The following PHC3 variants were observed in gnomAD, a reference collection of about 807,000 sequenced individuals.
PHC3 encodes polyhomeotic homolog 3, also known as polyhomeotic-like protein 3.
Under a neutral mutation model 107.4 loss-of-function variants are expected in PHC3, and 13 were observed. The observed-to-expected ratio is 0.12, with a 90% CI of 0.08 to 0.19. The LOEUF is 0.19. Ranked by LOEUF, PHC3 falls within the 10% of genes least tolerant of loss-of-function variation. The probability of loss-of-function intolerance (pLI) is 1.00; values close to 1 mark genes in which losing one functional copy is unlikely to be tolerated. For synonymous variants in PHC3, 456 were observed against 427.4 expected, an observed-to-expected ratio of 1.07 and a Z score of -0.83; for missense variants, 992 against 1,210.9, an observed-to-expected ratio of 0.82 and a Z score of 2.68.
At chr3:170,126,385 G>A (rs1188269419) in intron 8 of PHC3, among the ~76,000 whole-genome samples, 1 of 151,522 alleles carries the variant, frequency 6.6e-6, no homozygotes, top group African/African-American at 2.4e-5. Context: ...AACCATATCA[G>A]TGATAGCAGA....
intron 1 of PHC3, among the ~76,000 whole-genome samples, chr3:170,180,148 CA>C (rs1220290778): frequency 0.033 from 2,694 of 82,790 alleles, 44 homozygotes; most frequent in East Asian, 0.15. Flanking sequence ...AAAAACCGAA[CA>C]AAAAAAAAAA....
At chr3:170,135,316 A>G (rs1243466582) in intron 7 of PHC3, among the ~76,000 whole-genome samples, 1 of 151,950 alleles carries the variant, frequency 6.6e-6, no homozygotes, top group Non-Finnish European at 1.5e-5. Flanking sequence ...ATGCCCTGCT[A>G]ATTTTTGTAT....
chr3:170,107,858 G>A (rs531907857), intron 11 of PHC3, among the ~76,000 whole-genome samples: 3 of 152,074 alleles, frequency 2.0e-5, no homozygotes, highest in East Asian at 3.9e-4. Flanking sequence ...CCGGGTACTC[G>A]GCAGGAGTCA....
chr3:170,127,479 T>C (rs1721507815), intron 8 of PHC3, among the ~76,000 whole-genome samples: 1 of 150,368 alleles, frequency 6.7e-6, no homozygotes, highest in Admixed American at 6.7e-5. Context: ...GTTCTGCTTT[T>C]AATAAAAATT....
chr3:170,120,872 G>A (rs1720147685), intron 9 of PHC3, among the ~76,000 whole-genome samples: 2 of 152,098 alleles, frequency 1.3e-5, no homozygotes, highest in Non-Finnish European at 2.9e-5. Flanking sequence ...AAATGATCAT[G>A]AGGGCAATAA....
intron 5 of PHC3, among the ~76,000 whole-genome samples, chr3:170,145,788 T>C (rs1043525402): frequency 6.6e-6 from 1 of 152,202 alleles, no homozygotes; most frequent in Non-Finnish European, 1.5e-5. Context: ...TTTGGTGATA[T>C]GAAATTCTCA....
chr3:170,154,850 T>C (rs1410674670), intron 4 of PHC3, among the ~76,000 whole-genome samples: 1 of 152,222 alleles, frequency 6.6e-6, no homozygotes, highest in East Asian at 1.9e-4. Context: ...ACTAAAAAAC[T>C]GTCCTTCCTT....
rs903031202 is a variant in PHC3 at position 170,093,579 on chromosome 3, T to C, written c.*3651A>G. ...TTTATACACACTTAATATAGGCATA[T>C]AGCCTAAGACTATATTGCCTCCCTA... On this transcript the variant is annotated 3_prime_UTR_variant, in exon 15 of 15. Transcript: ENST00000495893. The C allele has an allele frequency of 6.6e-6, 1 of 152,252 alleles. No individual in the cohort carries two copies. Among genetic ancestry groups the C allele is most frequent in the South Asian group, 2.1e-4 (1 of 4,836 alleles). 9.4% of individuals were successfully genotyped at this position (152,252 alleles called of 1,614,324 possible).
intron 4 of PHC3, among the ~76,000 whole-genome samples, chr3:170,166,337 C>T (rs1421040573): frequency 6.6e-6 from 1 of 152,146 alleles, no homozygotes; most frequent in Non-Finnish European, 1.5e-5. Context: ...AGCCACTGCG[C>T]CTGGCCCCAA....
At chr3:170,154,841 C>G (rs965254056) in intron 4 of PHC3, among the ~76,000 whole-genome samples, 4 of 152,238 alleles carry the variant, frequency 2.6e-5, no homozygotes, top group African/African-American at 9.6e-5. Context: ...GCTAGCCTAA[C>G]TAAAAAACTG....
At chr3:170,141,823 C>G (rs1724166865) in intron 6 of PHC3, among the ~76,000 whole-genome samples, 2 of 152,020 alleles carry the variant, frequency 1.3e-5, no homozygotes, top group African/African-American at 4.8e-5. Flanking sequence ...AGGTTGGTCT[C>G]GAACTCCTGA....
intron 4 of PHC3, among the ~76,000 whole-genome samples, chr3:170,154,514 A>G (rs1014164854): frequency 3.3e-5 from 5 of 152,242 alleles, no homozygotes; most frequent in Non-Finnish European, 2.9e-5. Flanking sequence ...CTAAAGAAAA[A>G]TGTAATAAAA....
intron 1 of PHC3, among the ~76,000 whole-genome samples, chr3:170,179,285 C>T (rs1560145024): frequency 6.6e-6 from 1 of 152,056 alleles, no homozygotes; most frequent in Non-Finnish European, 1.5e-5. Flanking sequence ...AAAATTTAAG[C>T]AGTATCAGAG....
intron 2 of PHC3, among the ~76,000 whole-genome samples, chr3:170,178,229 C>T (rs1055377642): frequency 4.0e-5 from 6 of 151,374 alleles, no homozygotes; most frequent in East Asian, 1.9e-4. Flanking sequence ...CTGCAAGCTC[C>T]GCCTTCCGGG....
At position 170,181,730 on chromosome 3, in the gene PHC3, C is replaced by A; in HGVS notation, c.-15G>T. 6.2e-7 allele frequency: 1 copy of A among 1,612,528 alleles called. No individual in the cohort carries two copies. Among genetic ancestry groups the A allele is most frequent in the Non-Finnish European group, 8.5e-7 (1 of 1,179,770 alleles). ...GCTTCCGCCATCTTCTCTCCTCCATCACTAACATGGGCTGCGCATGCGCCC... is the reference window on the plus strand; with the variant it reads ...GCTTCCGCCATCTTCTCTCCTCCATAACTAACATGGGCTGCGCATGCGCCC... On this transcript the variant is annotated 5_prime_UTR_variant, in exon 1 of 15. Coordinates refer to ENST00000495893, the MANE Select transcript of PHC3 (RefSeq NM_024947.4).
At chr3:170,119,036 T>TAAAAAAAAAA (rs1002478959) in intron 9 of PHC3, among the ~76,000 whole-genome samples, 76 of 72,438 alleles carry the variant, frequency 1.0e-3, no homozygotes, top group African/African-American at 1.7e-3. Flanking sequence ...TATAAAAAGC[T>TAAAAAAAAAA]AAAAAAAAAA....
Position 170,175,437 on chromosome 3 carries a change from AG to A in PHC3, c.181-2726del, listed in dbSNP as rs1730271758. Among the ~76,000 whole-genome samples the A allele has an allele frequency of 2.0e-5, 3 of 152,242 alleles. No homozygotes were observed. In the South Asian group the frequency reaches 6.2e-4, roughly 32 times the overall value. On this transcript the variant is annotated intron_variant, in intron 2 of 14. Transcript: ENST00000495893. ...AGGAGAGCTTAAAGCCAGAAGGTCAAGACTAGCCTGGGCGACATAGTGAGAT... is the reference window on the plus strand; with the variant it reads ...AGGAGAGCTTAAAGCCAGAAGGTCAAACTAGCCTGGGCGACATAGTGAGAT...
intron 4 of PHC3, among the ~76,000 whole-genome samples, chr3:170,165,267 G>A (rs1459653899): frequency 6.6e-6 from 1 of 152,060 alleles, no homozygotes; most frequent in African/African-American, 2.4e-5. Flanking sequence ...TTGCATTAAG[G>A]CAGCACACTC....
intron 6 of PHC3, among the ~76,000 whole-genome samples, chr3:170,141,211 T>C (rs999053473): frequency 6.6e-6 from 1 of 152,236 alleles, no homozygotes; most frequent in Non-Finnish European, 1.5e-5. Context: ...AAAACAGTCT[T>C]GAACTTGACG....
Sources: allele counts gnomAD v4.1 joint callset (sites outside exome capture counted in the v4.1 genomes callset), GRCh38; gene constraint gnomAD v4.1.1; transcripts MANE v1.5; gene names NCBI Gene and HGNC (gene_info 2026-07-23, HGNC 2026-07-21).